Variants in SLC16A12 observed in about 807,000 individuals in gnomAD.
The protein encoded by SLC16A12 is monocarboxylate transporter 12.
In SLC16A12, 17 loss-of-function variants were observed where a neutral mutation model predicts 42.4. The ratio of observed to expected loss-of-function variants is 0.40; its 90% CI spans 0.27 to 0.60. SLC16A12 has a LOEUF of 0.60. Among genes scored for constraint, SLC16A12 ranks in the 20% least tolerant of loss-of-function variants. The pLI is 0.42. For synonymous variants in SLC16A12, 224 were observed against 229.4 expected, an observed-to-expected ratio of 0.98 and a Z score of 0.21; for missense variants, 544 against 623.0, an observed-to-expected ratio of 0.87 and a Z score of 1.35.
intron 2 of SLC16A12, among the ~76,000 whole-genome samples, chr10:89,497,678 C>T (rs1434281799): frequency 6.6e-6 from 1 of 151,944 alleles, no homozygotes; most frequent in African/African-American, 2.4e-5. Flanking sequence ...CCTCATCATG[C>T]TATTTCTATC....
chr10:89,512,422 A>G (rs1324711228), intron 2 of SLC16A12, among the ~76,000 whole-genome samples: 1 of 152,232 alleles, frequency 6.6e-6, no homozygotes, highest in Non-Finnish European at 1.5e-5. Flanking sequence ...GGATGTTTGC[A>G]GAGAAGCCAA....
At chr10:89,552,596 G>A (rs1250492675) in intron 2 of SLC16A12, among the ~76,000 whole-genome samples, 2 of 152,156 alleles carry the variant, frequency 1.3e-5, no homozygotes, top group Non-Finnish European at 2.9e-5. Context: ...TTAGCTCTAA[G>A]GTCCCTTCCA....
At chr10:89,459,516 A>ATGTGTGTGTG (rs58259835) in intron 3 of SLC16A12, among the ~76,000 whole-genome samples, 2,525 of 149,732 alleles carry the variant, frequency 0.017, 29 homozygotes, top group Non-Finnish European at 0.021. Flanking sequence ...TTCTGTGTTT[A>ATGTGTGTGTG]TGTGTGTGTG....
At chr10:89,443,429 T>C (rs776171612) in intron 4 of SLC16A12, among the ~76,000 whole-genome samples, 1 of 152,180 alleles carries the variant, frequency 6.6e-6, no homozygotes, top group Non-Finnish European at 1.5e-5. Context: ...GCCAAGCATA[T>C]ACTATAAATT....
chr10:89,504,919 C>T (rs527340745), intron 2 of SLC16A12, among the ~76,000 whole-genome samples: 1 of 152,208 alleles, frequency 6.6e-6, no homozygotes, highest in South Asian at 2.1e-4. Context: ...ACCCAGGGTA[C>T]AGAGTGTGCC....
chr10:89,521,820 C>T (rs951314559), intron 2 of SLC16A12, among the ~76,000 whole-genome samples: 2 of 152,206 alleles, frequency 1.3e-5, no homozygotes, highest in Non-Finnish European at 2.9e-5. Context: ...ATTCATACTT[C>T]GAGTTATTTT....
Position 89,436,914 on chromosome 10 carries a change from A to AAGAAAGAAAGAAAGAAAGAGAAAG in SLC16A12, c.1029-596_1029-595insCTTTCTCTTTCTTTCTTTCTTTCT, listed in dbSNP as rs796398100. Among the ~76,000 whole-genome samples, 680 of 136,548 alleles carry AAGAAAGAAAGAAAGAAAGAGAAAG rather than the reference A, an allele frequency of 5.0e-3. 7 individuals are homozygous for AAGAAAGAAAGAAAGAAAGAGAAAG. The highest frequency in any genetic ancestry group is 7.0e-3 in the Non-Finnish European group (444 of 63,312). The allele number at this position is 136,548 out of a possible 152,430, so 89.6% of individuals were successfully genotyped here. On this transcript the variant is annotated intron_variant, in intron 6 of 7. Transcript: ENST00000371790. ...AAAGAAAGAAAGAAAGAAAGAAAGA[A>AAGAAAGAAAGAAAGAAAGAGAAAG]AAAGAAAGAGTGCATAAATCTCAAA...
intron 2 of SLC16A12, among the ~76,000 whole-genome samples, chr10:89,480,750 A>G (rs1842649215): frequency 6.6e-6 from 1 of 152,200 alleles, no homozygotes; most frequent in South Asian, 2.1e-4. Flanking sequence ...TCATCTTTCC[A>G]AGTCAATTTT....
At chr10:89,551,509 T>C (rs1450589597) in intron 2 of SLC16A12, among the ~76,000 whole-genome samples, 1 of 152,176 alleles carries the variant, frequency 6.6e-6, no homozygotes, top group Non-Finnish European at 1.5e-5. Context: ...ATGGAGCACA[T>C]TGTTGTTGGG....
At position 89,495,634 on chromosome 10, in the gene SLC16A12, C is replaced by T. The variant is rs540531332; in HGVS notation, c.-46-33010G>A. Among the ~76,000 whole-genome samples, 190 of 152,204 alleles carry T rather than the reference C, an allele frequency of 1.2e-3. 1 individual carries two copies. Among genetic ancestry groups the T allele is most frequent in the Admixed American group, 2.6e-3 (40 of 15,284 alleles). On this transcript the variant is annotated intron_variant, in intron 2 of 7. Transcript: ENST00000371790. ...TAGCCTAGCCTACTTTAAATGTGCT[C>T]GGAAATTTAAATTAGCCTGTAGTTG...
At chr10:89,516,969 T>G (rs573708086) in intron 2 of SLC16A12, among the ~76,000 whole-genome samples, 6 of 152,236 alleles carry the variant, frequency 3.9e-5, no homozygotes, top group Non-Finnish European at 8.8e-5. Flanking sequence ...ATACCTGTAA[T>G]TCCAGCATTT....
chr10:89,443,850 T>C lies in SLC16A12; in HGVS notation c.210A>G (p.Ser70=). 4 of 1,607,254 alleles carry C rather than the reference T, an allele frequency of 2.5e-6. No individual in the cohort carries two copies. Among genetic ancestry groups the C allele is most frequent in the Non-Finnish European group, 2.6e-6 (3 of 1,173,758 alleles). ...ICTRAVTRCI[S]IFFVEFQTYF... is the part of the protein sequence containing the mutation. ...ATGTCTGGAACTCCACAAAAAAAAT[T>C]GAGATACATCTGAAAAATACAATGC... The change falls in exon 4 of 8, where the codon TCA becomes TCG. Residue 70 remains serine, a synonymous_variant. Coordinates refer to ENST00000371790, the MANE Select transcript of SLC16A12 (RefSeq NM_213606.4).
intron 2 of SLC16A12, among the ~76,000 whole-genome samples, chr10:89,520,060 CCGAGAT>C (rs1193636135): frequency 6.6e-6 from 1 of 150,738 alleles, no homozygotes; most frequent in Non-Finnish European, 1.5e-5. Flanking sequence ...TTGCAGTGAG[CCGAGAT>C]CGCGCCACTA....
At chr10:89,499,708 C>G (rs1402241646) in intron 2 of SLC16A12, among the ~76,000 whole-genome samples, 4 of 151,940 alleles carry the variant, frequency 2.6e-5, no homozygotes, top group Non-Finnish European at 5.9e-5. Context: ...TAAAAGAGCA[C>G]AAACAGACAA....
At chr10:89,502,057 G>A (rs2133823182) in intron 2 of SLC16A12, among the ~76,000 whole-genome samples, 1 of 152,210 alleles carries the variant, frequency 6.6e-6, no homozygotes, top group East Asian at 1.9e-4. Context: ...ATCTAGTTTG[G>A]CTGCTGACAC....
Position 89,441,223 on chromosome 10 carries a change from A to AG in SLC16A12, c.332_333insC (p.Leu112PhefsTer88). On this transcript the variant is annotated frameshift_variant, in exon 5 of 8. Transcript: ENST00000371790. LOFTEE classifies it high-confidence loss of function. ...GCATGATTCCCACTTGACAGGATAA[A>AG]TGGTTACTGACAACACTCCCAAGTG... 6.2e-7 allele frequency: 1 copy of AG among 1,614,080 alleles called. No individual in the cohort carries two copies.
In SLC16A12 at chr10:89,479,171, A is replaced by G. The variant is rs538891617; in HGVS notation, c.-46-16547T>C. On this transcript the variant is annotated intron_variant, in intron 2 of 7. Transcript: ENST00000371790. ...GGGGACAAAGACCTCCTTTTCCATG[A>G]TCCTGTGGGGTGGAGACTCCAGTAG... is the stretch of plus-strand genomic sequence containing the variant. Among the ~76,000 whole-genome samples, 5 of 152,240 alleles carry G rather than the reference A, an allele frequency of 3.3e-5. No homozygotes were observed. The South Asian group carries it at 1.0e-3, about 32-fold the overall frequency.
At chr10:89,466,617 C>T (rs1020700857) in intron 2 of SLC16A12, among the ~76,000 whole-genome samples, 2 of 152,150 alleles carry the variant, frequency 1.3e-5, no homozygotes, top group Non-Finnish European at 2.9e-5. Flanking sequence ...CAGATACTAT[C>T]CAAATTTCCA....
At chr10:89,553,423 C>T (rs181698873) in intron 2 of SLC16A12, among the ~76,000 whole-genome samples, 7 of 152,196 alleles carry the variant, frequency 4.6e-5, no homozygotes, top group Admixed American at 4.6e-4. Flanking sequence ...TAAATCATCT[C>T]AGCACAAATA....
Sources: gnomAD v4.1 joint callset for allele counts (sites outside exome capture counted in the v4.1 genomes callset) on GRCh38, gnomAD v4.1.1 for gene constraint, MANE v1.5 for transcripts, NCBI Gene and HGNC (gene_info 2026-07-23, HGNC 2026-07-21) for gene names.